Variants in ANK1 observed in about 807,000 individuals in gnomAD.
ANK1 encodes ankyrin-1.
Under a neutral mutation model 210.4 loss-of-function variants are expected in ANK1, and 51 were observed. The ratio of observed to expected loss-of-function variants is 0.24; its 90% CI spans 0.19 to 0.31. The LOEUF (loss-of-function observed/expected upper bound fraction) is 0.31, where lower values mean the gene tolerates loss of function less well. Ranked by LOEUF, ANK1 falls within the 10% of genes least tolerant of loss-of-function variation. The pLI, the probability that ANK1 is intolerant of heterozygous loss-of-function variation, is 1.00. For missense variants in ANK1, 2,051 were observed against 2,504.4 expected (o/e 0.82, Z 3.86); for synonymous variants, 967 against 1,025.9 (o/e 0.94, Z 1.10).
rs1243826654 is a variant in ANK1 at position 41,684,672 on chromosome 8, G to A, written c.4409C>T (p.Ala1470Val). The A allele has an allele frequency of 6.2e-7, 1 of 1,613,728 alleles. No homozygotes were observed. The highest frequency in any genetic ancestry group is 1.3e-5 in the African/African-American group (1 of 74,946). ...CTCGCCACGGTCAATGCTCTGCAGGGCTGTGTACAGATTCTCCACTGTGGG... is the reference window on the plus strand; with the variant it reads ...CTCGCCACGGTCAATGCTCTGCAGGACTGTGTACAGATTCTCCACTGTGGG... The part of the protein sequence containing the change: ...QNANMENLYT[A>V]LQSIDRGEIV... The change falls in exon 37 of 43, where the codon GCC (alanine) becomes GTC (valine). Residue 1470 changes from alanine (A) to valine (V), a missense_variant. Around this residue, in one of 6 missense-constraint regions of ANK1, gnomAD observed 496 missense variants for 533.4 expected, o/e 0.93. Coordinates refer to ENST00000289734, the MANE Select transcript of ANK1 (RefSeq NM_000037.4).
In ANK1 at chr8:41,758,509, CT is replaced by C. The variant is rs113939102; in HGVS notation, c.28-373del. Among the ~76,000 whole-genome samples, 697 of 145,582 alleles carry C rather than the reference CT, an allele frequency of 4.8e-3. 2 individuals are homozygous for C. Among genetic ancestry groups the C allele is most frequent in the African/African-American group, 0.011 (427 of 40,098 alleles). On this transcript the variant is annotated intron_variant, in intron 1 of 42. Coordinates refer to ENST00000289734, the MANE Select transcript of ANK1 (RefSeq NM_000037.4). ...CACCAAGCCCAACTATTTTTTTAAACTTTTTTTTTTTTTATAGAGACAGGGC... is the reference window on the plus strand; with the variant it reads ...CACCAAGCCCAACTATTTTTTTAAACTTTTTTTTTTTTATAGAGACAGGGC...
Position 41,661,807 on chromosome 8 carries a change from G to A in ANK1, c.5544+69C>T, listed in dbSNP as rs773060004. 1.9e-6 allele frequency: 3 copies of A among 1,613,770 alleles called. No homozygotes were observed. The East Asian group carries it at 6.7e-5, about 36-fold the overall frequency. On this transcript the variant is annotated intron_variant, in intron 41 of 42. Transcript: ENST00000289734. ...GCCGCGGGCGCCTCAGTACCTTGGA[G>A]TGTTTCATAAAGTAATCAATATCGA...
intron 2 of ANK1, among the ~76,000 whole-genome samples, chr8:41,746,868 T>TAAA (rs35245035): frequency 1.4e-5 from 2 of 138,778 alleles, no homozygotes; most frequent in East Asian, 2.1e-4. Context: ...TGGTATTCTT[T>TAAA]AAAAAAAAAA....
intron 39 of ANK1, among the ~76,000 whole-genome samples, chr8:41,667,179 T>C (rs1319202792): frequency 6.6e-6 from 1 of 152,190 alleles, no homozygotes; most frequent in Non-Finnish European, 1.5e-5. Context: ...CCGGGGCACA[T>C]ACTTGGCAGG....
chr8:41,887,744 T>A (rs1376600725), intron 1 of ANK1, among the ~76,000 whole-genome samples: 2 of 152,268 alleles, frequency 1.3e-5, no homozygotes, highest in Admixed American at 1.3e-4. Context: ...AAGTGTATAT[T>A]GTGTCAATTT....
rs1813049528 is a variant in ANK1 at position 41,860,335 on chromosome 8, G to A, written c.126+36020C>T. On this transcript the variant is annotated intron_variant, in intron 1 of 42. Coordinates refer to the ANK1 transcript ENST00000265709. ...TTGGCTTTGGCAGATTCCACTGCTG[G>A]GATTCACAGGCAAGAGAACCCCAAA... Among the ~76,000 whole-genome samples the A allele has an allele frequency of 5.3e-5, 8 of 152,292 alleles. No homozygotes were observed. In the South Asian group the frequency reaches 1.7e-3, roughly 32 times the overall value.
intron 1 of ANK1, among the ~76,000 whole-genome samples, chr8:41,839,858 C>T (rs911904404): frequency 4.6e-5 from 7 of 152,086 alleles, no homozygotes; most frequent in African/African-American, 9.7e-5. Flanking sequence ...TAAGGAAATC[C>T]GAATAATGTA....
rs1823501912 is a variant in ANK1 at position 41,703,440 on chromosome 8, ATATATATATATT to A, written c.2295+589_2295+600del. Among the ~76,000 whole-genome samples, 3 of 68,766 alleles carry A rather than the reference ATATATATATATT, an allele frequency of 4.4e-5. No homozygotes were observed. In the Admixed American group the frequency reaches 6.5e-4, roughly 15 times the overall value. 45.1% of individuals were successfully genotyped at this position (68,766 alleles called of 152,430 possible). A position where few individuals can be genotyped will look rare whatever the true frequency, so the allele number is the denominator to read the frequency against. On this transcript the variant is annotated intron_variant, in intron 20 of 42. Transcript: ENST00000289734. Reference sequence around the variant, plus strand: ...TGTGTGTGTATATATATATATATATATATATATATATTTTTTTTTTTTTTTTAAGACACAAGG... The same window carrying A: ...TGTGTGTGTATATATATATATATATATTTTTTTTTTTTTTAAGACACAAGG...
chr8:41,794,638 C>T (rs1455201423), intron 1 of ANK1, among the ~76,000 whole-genome samples: 3 of 152,210 alleles, frequency 2.0e-5, no homozygotes, highest in South Asian at 2.1e-4. Flanking sequence ...CTGCTATATT[C>T]CCGGTGCCCC....
intron 16 of ANK1, among the ~76,000 whole-genome samples, chr8:41,711,153 C>T (rs954243831): frequency 1.3e-4 from 20 of 152,164 alleles, no homozygotes; most frequent in African/African-American, 3.4e-4. Context: ...GAATGGGGTG[C>T]GATGCCGCAG....
At chr8:41,702,230 C>T (rs1396291209) in intron 20 of ANK1, 86 bp from the exon 21 acceptor site, 1 of 1,147,810 alleles carries the variant, frequency 8.7e-7, no homozygotes, top group East Asian at 2.4e-5. Flanking sequence ...ATCGAGTTCA[C>T]CTTCTAGTTG....
chr8:41,857,922 A>G (rs1812519083), intron 1 of ANK1, among the ~76,000 whole-genome samples: 1 of 151,260 alleles, frequency 6.6e-6, no homozygotes, highest in Admixed American at 6.6e-5. Flanking sequence ...ATAAATAAAT[A>G]AATAAATAAA....
chr8:41,709,837 G>A (rs528918664), intron 16 of ANK1, among the ~76,000 whole-genome samples: 2 of 152,308 alleles, frequency 1.3e-5, no homozygotes, highest in East Asian at 3.9e-4. Flanking sequence ...GCTGAGGTGG[G>A]AAGATGGCTT....
At chr8:41,890,708 C>CAAAAAAAAAAAAAAA (rs557921949) in intron 1 of ANK1, among the ~76,000 whole-genome samples, 1 of 62,798 alleles carries the variant, frequency 1.6e-5, no homozygotes, top group Non-Finnish European at 4.1e-5. Context: ...GACTCCGTCT[C>CAAAAAAAAAAAAAAA]AAAAAAAAAA....
At chr8:41,727,839 G>C in intron 4 of ANK1, 69 bp downstream of exon 4, 9 of 1,476,956 alleles carry the variant, frequency 6.1e-6, no homozygotes, top group Non-Finnish European at 3.8e-6. Flanking sequence ...ATGGACCCAC[G>C]AGGGAGCAGC....
intron 31 of ANK1, among the ~76,000 whole-genome samples, chr8:41,691,069 TA>T (rs34343777): frequency 2.0e-5 from 3 of 152,092 alleles, no homozygotes; most frequent in East Asian, 1.9e-4. Context: ...CAAATTTTTT[TA>T]AAAAAACTAG....
chr8:41,723,951 G>A (rs190939064), intron 7 of ANK1, among the ~76,000 whole-genome samples: 6,251 of 151,438 alleles, frequency 0.041, 164 homozygotes, highest in Non-Finnish European at 0.055. Flanking sequence ...CACCATGCCC[G>A]GCTAATTTTT....
At chr8:41,833,953 G>A (rs1807142089) in intron 1 of ANK1, among the ~76,000 whole-genome samples, 1 of 152,178 alleles carries the variant, frequency 6.6e-6, no homozygotes, top group Admixed American at 6.5e-5. Flanking sequence ...GGAGGGACGG[G>A]GTTTCAGGCA....
chr8:41,653,906 C>T lies in ANK1; in HGVS notation c.*1884G>A, dbSNP rs1476190517. 3 of 152,160 alleles carry T rather than the reference C, an allele frequency of 2.0e-5. No individual in the cohort carries two copies. The highest frequency in any genetic ancestry group is 1.9e-4 in the East Asian group (1 of 5,148). 9.4% of individuals were successfully genotyped at this position (152,160 alleles called of 1,614,324 possible). A position where few individuals can be genotyped will look rare whatever the true frequency, so the allele number is the denominator to read the frequency against. ...CAAAAGCAGCCCCACCCCCGGCCGA[C>T]AAGGCGCCTAGGCCGCCCCGGGGCC... On this transcript the variant is annotated 3_prime_UTR_variant, in exon 43 of 43. Transcript: ENST00000289734.
Sources: allele counts gnomAD v4.1 joint callset (sites outside exome capture counted in the v4.1 genomes callset), GRCh38; gene constraint gnomAD v4.1.1; regional missense constraint gnomAD v4.1.1; transcripts MANE v1.5; gene names NCBI Gene and HGNC (gene_info 2026-07-23, HGNC 2026-07-21).